RDH11: variants seen among roughly 807,000 people sequenced by gnomAD.
RDH11 encodes the protein HCV core-binding protein HCBP12.
Under a neutral mutation model 33.4 loss-of-function variants are expected in RDH11, and 19 were observed. The observed-to-expected ratio is 0.57, with a 90% CI of 0.40 to 0.83. The LOEUF (loss-of-function observed/expected upper bound fraction) is 0.83. Ranked by LOEUF, RDH11 falls within the 40% of genes least tolerant of loss-of-function variation. The pLI, the probability that RDH11 is intolerant of heterozygous loss-of-function variation, is 0.00. For missense variants in RDH11, 353 were observed against 389.0 expected (o/e 0.91, Z 0.78); for synonymous variants, 154 against 155.3 (o/e 0.99, Z 0.06).
intron 3 of RDH11, chr14:67,691,880 T>A (rs1390656341): frequency 6.5e-6 from 1 of 154,064 alleles, no homozygotes; most frequent in Non-Finnish European, 1.4e-5. Flanking sequence ...ATCAAACCCA[T>A]AAATATCCTC....
intron 5 of RDH11, among the ~76,000 whole-genome samples, chr14:67,687,874 C>A (rs372663222): frequency 2.0e-5 from 3 of 151,708 alleles, no homozygotes; most frequent in Non-Finnish European, 4.4e-5. Flanking sequence ...CAGGTTCAGG[C>A]GATTCTCCTG....
chr14:67,688,116 T>G (rs1428397601), intron 5 of RDH11, among the ~76,000 whole-genome samples: 1 of 152,134 alleles, frequency 6.6e-6, no homozygotes, highest in African/African-American at 2.4e-5. Context: ...ATTTAATTTC[T>G]AATCATCCTT....
intron 5 of RDH11, among the ~76,000 whole-genome samples, chr14:67,688,308 G>A (rs1269598654): frequency 6.6e-6 from 1 of 152,082 alleles, no homozygotes; most frequent in Non-Finnish European, 1.5e-5. Context: ...ATGTTGTTAA[G>A]GAAATACATA....
At chr14:67,692,675 T>G (rs2037766100) in intron 2 of RDH11, 82 bp from the exon 3 acceptor site, 1 of 1,482,164 alleles carries the variant, frequency 6.7e-7, no homozygotes, top group Admixed American at 2.4e-5. Flanking sequence ...TCCAACATTT[T>G]TTTAAAAAAC....
chr14:67,688,063 G>A (rs370436446), intron 5 of RDH11, among the ~76,000 whole-genome samples: 4 of 151,858 alleles, frequency 2.6e-5, no homozygotes, highest in Non-Finnish European at 5.9e-5. Flanking sequence ...GTGAGCCACC[G>A]CGCCCGGCCT....
chr14:67,685,144 T>C lies in RDH11; in HGVS notation c.725A>G (p.His242Arg), dbSNP rs1480348641. 2.5e-6 allele frequency: 4 copies of C among 1,613,982 alleles called. No homozygotes were observed. The highest frequency in any genetic ancestry group is 3.4e-6 in the Non-Finnish European group (4 of 1,180,046). ...CCACATCCATCTCATGAAAGATGAGTGCCGAACCAGTTCAGATTGGACTGT... is the reference window on the plus strand; with the variant it reads ...CCACATCCATCTCATGAAAGATGAGCGCCGAACCAGTTCAGATTGGACTGT... ...PGTVQSELVR[H>R]SSFMRWMWWL... Residue 242 changes from histidine to arginine, a missense_variant, in exon 6 of 7, where the codon CAC (histidine) becomes CGC (arginine). Physicochemically the swap from His to Arg is conservative, Grantham distance 29 (BLOSUM62 0). Transcript: ENST00000381346.
Position 67,677,406 on chromosome 14 carries a change from T to C in RDH11, c.*915A>G, listed in dbSNP as rs984199441. 3.4e-5 allele frequency: 5 copies of C among 147,004 alleles called. No individual in the cohort carries two copies. The highest frequency in any genetic ancestry group is 7.0e-5 in the Admixed American group (1 of 14,272). 9.1% of individuals were successfully genotyped at this position (147,004 alleles called of 1,614,324 possible). Reference sequence around the variant, plus strand: ...TTTTTTTTTTTTGCCACACTGGTTTTTGTTAAGACCTCATCAGTCCTGGGT... The same window carrying C: ...TTTTTTTTTTTTGCCACACTGGTTTCTGTTAAGACCTCATCAGTCCTGGGT... On this transcript the variant is annotated 3_prime_UTR_variant, in exon 7 of 7. Transcript: ENST00000381346.
rs753465132 is a variant in RDH11 at position 67,690,192 on chromosome 14, T to G, written c.664+20A>C. 1 of 1,606,140 alleles carries G rather than the reference T, an allele frequency of 6.2e-7. No individual in the cohort carries two copies. Among genetic ancestry groups the G allele is most frequent in the Non-Finnish European group, 8.5e-7 (1 of 1,174,428 alleles). On this transcript the variant is annotated intron_variant, in intron 5 of 6. Coordinates refer to ENST00000381346, the MANE Select transcript of RDH11 (RefSeq NM_016026.4). ...CCTCTCTCTGACTCATGTCTCCACA[T>G]TCATTTCCTCTAGGCCCACCTTTTA...
intron 5 of RDH11, chr14:67,686,297 G>T (rs1393874836): frequency 1.3e-5 from 2 of 152,202 alleles, no homozygotes; most frequent in Non-Finnish European, 2.9e-5. Context: ...ACCTCACAGG[G>T]TAGTTATGAG....
chr14:67,684,267 G>T (rs1049486501), intron 6 of RDH11, among the ~76,000 whole-genome samples: 2 of 151,974 alleles, frequency 1.3e-5, no homozygotes, highest in African/African-American at 4.8e-5. Flanking sequence ...TAAAATTTCA[G>T]GTCATTTCAA....
chr14:67,693,081 T>G (rs2037773312), intron 1 of RDH11, 29 bp from the exon 2 acceptor site: 1 of 1,507,688 alleles, frequency 6.6e-7, no homozygotes, highest in African/African-American at 1.4e-5. Flanking sequence ...AGCTCATCAA[T>G]TCTTCATTCT....
chr14:67,689,894 G>A (rs375366000), intron 5 of RDH11, among the ~76,000 whole-genome samples: 3 of 152,016 alleles, frequency 2.0e-5, no homozygotes, highest in Non-Finnish European at 2.9e-5. Context: ...GCAGTGAGCC[G>A]AGATTGCACC....
At chr14:67,687,109 C>T (rs1190838096) in intron 5 of RDH11, among the ~76,000 whole-genome samples, 1 of 152,196 alleles carries the variant, frequency 6.6e-6, no homozygotes, top group African/African-American at 2.4e-5. Flanking sequence ...AGTCAACAAG[C>T]TTTCCCAAAC....
chr14:67,692,368 T>C (rs2037760660), intron 3 of RDH11, 70 bp downstream of exon 3: 1 of 1,534,520 alleles, frequency 6.5e-7, no homozygotes, highest in East Asian at 2.3e-5. Context: ...AGAGGGACCT[T>C]TTCCTTTTAG....
At chr14:67,678,838 TAA>T (rs68115588) in intron 6 of RDH11, among the ~76,000 whole-genome samples, 1 of 145,322 alleles carries the variant, frequency 6.9e-6, no homozygotes, top group Non-Finnish European at 1.5e-5. Flanking sequence ...CCTGGAGTAG[TAA>T]AAAAAAAAAA....
At chr14:67,679,761 A>G (rs974467266) in intron 6 of RDH11, among the ~76,000 whole-genome samples, 4 of 152,306 alleles carry the variant, frequency 2.6e-5, no homozygotes, top group Non-Finnish European at 4.4e-5. Flanking sequence ...CTTAAGGACA[A>G]TTCTGACTCA....
chr14:67,691,553 G>A (rs2037750997), intron 3 of RDH11: 1 of 243,088 alleles, frequency 4.1e-6, no homozygotes, highest in African/African-American at 2.3e-5. Context: ...GACTTCCCAA[G>A]CTGAATGGAA....
intron 1 of RDH11, among the ~76,000 whole-genome samples, 154 bp downstream of exon 1, chr14:67,695,476 A>G (rs1352942694): frequency 6.6e-6 from 1 of 152,234 alleles, no homozygotes. Context: ...CACCCAGGAC[A>G]GCTGGACCTC....
At chr14:67,694,050 T>C (rs1489887534) in intron 1 of RDH11, among the ~76,000 whole-genome samples, 1 of 152,192 alleles carries the variant, frequency 6.6e-6, no homozygotes, top group Non-Finnish European at 1.5e-5. Context: ...ATTCTCTTCT[T>C]GGCAATGTTG....
Sources: allele counts gnomAD v4.1 joint callset (sites outside exome capture counted in the v4.1 genomes callset), GRCh38; gene constraint gnomAD v4.1.1; transcripts MANE v1.5; gene names NCBI Gene and HGNC (gene_info 2026-07-23, HGNC 2026-07-21).